CIC: variants seen among roughly 807,000 people sequenced by gnomAD.
CIC encodes the protein protein capicua homolog.
Under a neutral mutation model 115.7 loss-of-function variants are expected in CIC, and 18 were observed. That is an observed-to-expected ratio of 0.16 (90% CI 0.11 to 0.23). The LOEUF is 0.23. CIC is among the 10% of genes least tolerant of loss of function. The probability of loss-of-function intolerance (pLI) is 1.00; values close to 1 mark genes in which losing one functional copy is unlikely to be tolerated. For missense variants in CIC, 2,000 were observed against 2,159.3 expected, an observed-to-expected ratio of 0.93 and a Z score of 1.46; for synonymous variants, 1,076 against 923.0, an observed-to-expected ratio of 1.17 and a Z score of -3.01.
At chr19:42,294,468 C>T (rs1051523794) in intron 19 of CIC, 136 bp from the exon 20 acceptor site, 7 of 1,545,724 alleles carry the variant, frequency 4.5e-6, no homozygotes, top group Non-Finnish European at 6.2e-6. Flanking sequence ...CTAGGTTGCC[C>T]TGTGACTGTG....
At chr19:42,271,179 C>T (rs1191514713) in intron 1 of CIC, among the ~76,000 whole-genome samples, 1 of 152,196 alleles carries the variant, frequency 6.6e-6, no homozygotes, top group Non-Finnish European at 1.5e-5. Context: ...CATGTACTCT[C>T]TGCATGGTGA....
rs565187692 is a variant in CIC, at chr19:42,289,328, C to T, written c.4009C>T (p.Arg1337Cys). 12 of 1,614,012 alleles carry T rather than the reference C, an allele frequency of 7.4e-6. No homozygotes were observed. Among genetic ancestry groups the T allele is most frequent in the East Asian group, 4.5e-5 (2 of 44,876 alleles). Residue 1337 changes from arginine to cysteine, a missense_variant, in exon 9 of 21, where the codon CGT becomes TGT. This residue lies in a region of CIC where 1,466 missense variants were observed against 1,390.4 expected (regional missense o/e 1.05). Coordinates refer to ENST00000681038, the MANE Select transcript of CIC (RefSeq NM_001386298.1). ...GCCCACCCGAGCTTCTCGTTCTCAG[C>T]GTGCGGCCAGTGAGGACATGACGAG... Reference protein sequence around the residue: ...LLPTRASRSQRAASEDMTSDE... With the variant: ...LLPTRASRSQCAASEDMTSDE...
In CIC at chr19:42,290,326, C is replaced by T. The variant is rs2037986903; in HGVS notation, c.4285C>T (p.Pro1429Ser). The change falls in exon 11 of 21, where the codon CCT (proline) becomes TCT (serine). Residue 1429 changes from proline (P) to serine (S), a missense_variant. Around this residue, in one of 8 missense-constraint regions of CIC, gnomAD observed 1,466 missense variants for 1,390.4 expected, o/e 1.05. Transcript: ENST00000681038. ...LDPEPPGPPD[P>S]PVAFGKGYGS... Reference sequence around the variant, plus strand: ...CCCTGAGCCCCCAGGGCCCCCGGATCCTCCTGTAGCCTTTGGCAAAGGCTA... The same window carrying T: ...CCCTGAGCCCCCAGGGCCCCCGGATTCTCCTGTAGCCTTTGGCAAAGGCTA... The T allele has an allele frequency of 1.2e-6, 2 of 1,614,118 alleles. No homozygotes were observed. Among genetic ancestry groups the T allele is most frequent in the East Asian group, 4.5e-5 (2 of 44,862 alleles).
chr19:42,289,294 C>T lies in CIC; in HGVS notation c.3975C>T (p.Pro1325=). The T allele has an allele frequency of 6.2e-7, 1 of 1,613,930 alleles. No individual in the cohort carries two copies. The highest frequency in any genetic ancestry group is 1.1e-5 in the South Asian group (1 of 91,082). ...GTGCCTTGGCGGCCACTGGGCGGCC[C>T]CCGCTGCTGCCCACCCGAGCTTCTC... is the stretch of plus-strand genomic sequence containing the variant. ...EGGALAATGR[P]PLLPTRASRS... The change falls in exon 9 of 21, where the codon CCC becomes CCT. Residue 1325 remains proline (P), a synonymous_variant. Transcript: ENST00000681038.
chr19:42,292,241 G>A (rs1387228060), intron 13 of CIC, 34 bp downstream of exon 13: 3 of 1,613,734 alleles, frequency 1.9e-6, no homozygotes, highest in South Asian at 2.2e-5. Context: ...CAGAGGCCAG[G>A]GAAGGGGTGG....
Position 42,287,418 on chromosome 19 carries a change from C to G in CIC, c.3278C>G (p.Ser1093Cys). 1 of 1,614,010 alleles carries G rather than the reference C, an allele frequency of 6.2e-7. No individual in the cohort carries two copies. Among genetic ancestry groups the G allele is most frequent in the African/African-American group, 1.3e-5 (1 of 75,062 alleles). ...GCCCTACCCAAGGAACGGGACTCATCTTCTGAGAAGGATGGACGCAGCCCC... is the reference window on the plus strand; with the variant it reads ...GCCCTACCCAAGGAACGGGACTCATGTTCTGAGAAGGATGGACGCAGCCCC... ...LSALPKERDSSSEKDGRSPNK... is the reference protein window; with the variant it reads ...LSALPKERDSCSEKDGRSPNK... The change falls in exon 5 of 21, where the codon TCT becomes TGT. Residue 1093 changes from serine to cysteine, a missense_variant. Ser to Cys is a moderately radical substitution (Grantham distance 112). This residue lies in a region of CIC where 222 missense variants were observed against 247.7 expected (regional missense o/e 0.90). Coordinates refer to ENST00000681038, the MANE Select transcript of CIC (RefSeq NM_001386298.1). The surrounding 1 kb of genome is among the most constrained non-coding windows in gnomAD (Gnocchi z 8.7).
chr19:42,271,025 C>T (rs2036766225), intron 1 of CIC, among the ~76,000 whole-genome samples: 1 of 145,676 alleles, frequency 6.9e-6, no homozygotes, highest in South Asian at 2.3e-4. Flanking sequence ...CTCAGCTGCC[C>T]ACTTCTTCCC....
chr19:42,274,174 C>T lies in CIC; in HGVS notation c.2391C>T (p.Pro797=). The change falls in exon 2 of 21, where the codon CCC becomes CCT. Residue 797 remains proline, a synonymous_variant. Coordinates refer to ENST00000681038, the MANE Select transcript of CIC (RefSeq NM_001386298.1). ...PPAGLTSDPG[P]SVRRVPAVQR... ...CCGGCCTGACCTCGGATCCAGGGCC[C>T]TCTGTGCGCAGGGTGCCTGCTGTGC... is the stretch of plus-strand genomic sequence containing the variant. 1 of 399,186 alleles carries T rather than the reference C, an allele frequency of 2.5e-6. No homozygotes were observed. The highest frequency in any genetic ancestry group is 4.4e-6 in the Non-Finnish European group (1 of 226,448). The allele number at this position is 399,186 out of a possible 1,614,324, so 24.7% of individuals were successfully genotyped here. A position where few individuals can be genotyped will look rare whatever the true frequency, so the allele number is the denominator to read the frequency against.
chr19:42,286,884 C>A lies in CIC; in HGVS notation c.2908C>A (p.Pro970Thr). 2 of 1,612,580 alleles carry A rather than the reference C, an allele frequency of 1.2e-6. No individual in the cohort carries two copies. Among genetic ancestry groups the A allele is most frequent in the Non-Finnish European group, 1.7e-6 (2 of 1,179,736 alleles). ...PSVQPSEAQQ[P>T]ASHPVASNQS... ...CGTGCAGCCGAGCGAGGCCCAGCAACCTGCCAGCCACCCAGTGGCCTCCAA... is the reference window on the plus strand; with the variant it reads ...CGTGCAGCCGAGCGAGGCCCAGCAAACTGCCAGCCACCCAGTGGCCTCCAA... The change falls in exon 3 of 21, where the codon CCT (proline) becomes ACT (threonine). Residue 970 changes from proline (P) to threonine (T), a missense_variant. Transcript: ENST00000681038.
intron 9 of CIC, 137 bp from the exon 10 acceptor site, chr19:42,289,711 C>T (rs2037932621): frequency 3.6e-6 from 3 of 823,546 alleles, no homozygotes; most frequent in Non-Finnish European, 4.0e-6. Context: ...TGGGCACAGC[C>T]CTGGGCTGAG....
chr19:42,276,640 CCAA>C (rs2036989991), intron 2 of CIC, among the ~76,000 whole-genome samples: 1 of 152,176 alleles, frequency 6.6e-6, no homozygotes, highest in Non-Finnish European at 1.5e-5. Flanking sequence ...CACCCTGACA[CCAA>C]CATTTTTTAC....
Position 42,291,978 on chromosome 19 carries a change from G to C in CIC, c.5614-108G>C. 4 of 1,534,236 alleles carry C rather than the reference G, an allele frequency of 2.6e-6. No homozygotes were observed. In the East Asian group the frequency reaches 9.0e-5, roughly 34 times the overall value. ...CTTGCCCATCCTGTTCTCACCCCAA[G>C]TTCTGTGTTCCTTGCTTTTGCTTAG... On this transcript the variant is annotated intron_variant, in intron 12 of 20. Transcript: ENST00000681038.
chr19:42,285,282 C>T (rs891701305), intron 2 of CIC, among the ~76,000 whole-genome samples: 67 of 152,052 alleles, frequency 4.4e-4, no homozygotes, highest in African/African-American at 1.5e-3. Context: ...AAGGACTGCC[C>T]TCCATTGTCT....
Position 42,287,483 on chromosome 19 carries a change from G to A in CIC, c.3309+34G>A, listed in dbSNP as rs771542960. ...TCCCTGCCTGTCCTGTGCTCACCCC[G>A]TGGCCACCCACACCTGTCTGCCAGG... is the stretch of plus-strand genomic sequence containing the variant. On this transcript the variant is annotated intron_variant, in intron 5 of 20. Transcript: ENST00000681038. The surrounding 1 kb of genome is among the most constrained non-coding windows in gnomAD (Gnocchi z 8.7). 15 of 1,612,102 alleles carry A rather than the reference G, an allele frequency of 9.3e-6. No homozygotes were observed. The highest frequency in any genetic ancestry group is 8.8e-5 in the South Asian group (8 of 91,080).
At position 42,291,603 on chromosome 19, in the gene CIC, C is replaced by A. The variant is rs2147278890; in HGVS notation, c.5471C>A (p.Ala1824Asp). 6.2e-7 allele frequency: 1 copy of A among 1,613,004 alleles called. No homozygotes were observed. Among genetic ancestry groups the A allele is most frequent in the South Asian group, 1.1e-5 (1 of 91,078 alleles). The change falls in exon 12 of 21, where the codon GCC (alanine) becomes GAC (aspartate). Residue 1824 changes from alanine (A) to aspartate (D), a missense_variant. By Grantham distance (126) the Ala-to-Asp change is moderately radical. Transcript: ENST00000681038. Reference sequence around the variant, plus strand: ...CAGGCCCCGCCCCCGGGTGGCTCAGCCCAGCTGCTGCCTGGGAAGGTCCTA... The same window carrying A: ...CAGGCCCCGCCCCCGGGTGGCTCAGACCAGCTGCTGCCTGGGAAGGTCCTA... ...PVQAPPPGGS[A>D]QLLPGKVLVP...
At chr19:42,290,205 C>G (rs1158300809) in intron 10 of CIC, 28 bp from the exon 11 acceptor site, 1 of 1,613,838 alleles carries the variant, frequency 6.2e-7, no homozygotes, top group African/African-American at 1.3e-5. Context: ...GTGTCCTGAC[C>G]TGGGGTGTCT....
rs752790356 is a variant in CIC, at chr19:42,294,843, C to T, written c.7206C>T (p.Phe2402=). Reference sequence around the variant, plus strand: ...CTCCAGCCCAGGCCACAGCCGCCTTCCAGGCCCGCTATGCAGACATCTTTC... The same window carrying T: ...CTCCAGCCCAGGCCACAGCCGCCTTTCAGGCCCGCTATGCAGACATCTTTC... ...FFPSAQATAA[F]QARYADIFPS... is the part of the protein sequence containing the mutation. Residue 2402 remains phenylalanine (F), a synonymous_variant, in exon 21 of 21, where the codon TTC becomes TTT. Coordinates refer to ENST00000681038, the MANE Select transcript of CIC (RefSeq NM_001386298.1). 1 of 1,601,846 alleles carries T rather than the reference C, an allele frequency of 6.2e-7. No individual in the cohort carries two copies.
At chr19:42,288,609 G>A (rs904348076) in intron 7 of CIC, among the ~76,000 whole-genome samples, 9 of 152,138 alleles carry the variant, frequency 5.9e-5, no homozygotes, top group Non-Finnish European at 1.2e-4. Context: ...TCAGGCCAGC[G>A]GTTGGCTAGC....
rs1331201893 is a variant in CIC at position 42,293,272 on chromosome 19, T to C, written c.6513T>C (p.Pro2171=). Residue 2171 remains proline, a synonymous_variant, in exon 16 of 21, where the codon CCT becomes CCC. Coordinates refer to ENST00000681038, the MANE Select transcript of CIC (RefSeq NM_001386298.1). ...AGGAGCGGACCAGCGCCAAGGGCCC[T>C]GAGACCATGGTGAGCGCCTGCAGGC... ...PAEERTSAKG[P]ETMASKFPSS... The C allele has an allele frequency of 4.4e-6, 7 of 1,578,362 alleles. No individual in the cohort carries two copies. Among genetic ancestry groups the C allele is most frequent in the Non-Finnish European group, 6.0e-6 (7 of 1,164,712 alleles).
Sources: allele counts gnomAD v4.1 joint callset (sites outside exome capture counted in the v4.1 genomes callset), GRCh38; gene constraint gnomAD v4.1.1; regional missense constraint gnomAD v4.1.1; non-coding constraint Gnocchi (gnomAD v3.1); transcripts MANE v1.5; gene names NCBI Gene and HGNC (gene_info 2026-07-23, HGNC 2026-07-21).